The following LTBP1 variants were observed in gnomAD, a reference collection of about 807,000 sequenced individuals.
LTBP1 encodes latent-transforming growth factor beta-binding protein 1.
LTBP1 carries 129 observed loss-of-function variants against 207.6 expected under a neutral mutation model. That is an observed-to-expected ratio of 0.62 (90% CI 0.54 to 0.72). The LOEUF (loss-of-function observed/expected upper bound fraction) is 0.72. Among genes scored for constraint, LTBP1 ranks in the 30% least tolerant of loss-of-function variants. The probability of loss-of-function intolerance (pLI) is 0.00; values close to 1 mark genes in which losing one functional copy is unlikely to be tolerated. For missense variants in LTBP1, 2,281 were observed against 2,217.2 expected (o/e 1.03, Z -0.58); for synonymous variants, 963 against 833.7 (o/e 1.16, Z -2.67).
intron 5 of LTBP1, among the ~76,000 whole-genome samples, chr2:33,155,256 C>T (rs935623796): frequency 6.6e-5 from 10 of 152,000 alleles, no homozygotes; most frequent in African/African-American, 2.4e-4. Context: ...AGAAGAGATA[C>T]GGTTTCACCA....
At chr2:33,274,071 A>G (rs1418690847) in intron 16 of LTBP1, among the ~76,000 whole-genome samples, 2 of 152,244 alleles carry the variant, frequency 1.3e-5, no homozygotes, top group Non-Finnish European at 1.5e-5. Context: ...TTACAGAAAC[A>G]GCTACCTAAA....
chr2:32,960,533 A>T (rs1321978504), intron 2 of LTBP1, among the ~76,000 whole-genome samples: 1 of 152,162 alleles, frequency 6.6e-6, no homozygotes, highest in Non-Finnish European at 1.5e-5. Context: ...CAATTTTAGA[A>T]TCTTTCTGCT....
At chr2:32,969,639 A>G (rs1245326568) in intron 2 of LTBP1, among the ~76,000 whole-genome samples, 1 of 152,204 alleles carries the variant, frequency 6.6e-6, no homozygotes, top group East Asian at 1.9e-4. Context: ...ATTCCATGGT[A>G]TATACATACC....
intron 3 of LTBP1, among the ~76,000 whole-genome samples, chr2:33,067,986 A>G (rs2077604262): frequency 6.6e-6 from 1 of 152,208 alleles, no homozygotes; most frequent in African/African-American, 2.4e-5. Context: ...AGAATATAAT[A>G]AAAATTTTTA....
chr2:33,171,944 G>A (rs916431417), intron 5 of LTBP1, among the ~76,000 whole-genome samples: 1 of 152,082 alleles, frequency 6.6e-6, no homozygotes, highest in African/African-American at 2.4e-5. Context: ...ATACTTTACA[G>A]ACAAGCAAAT....
rs552056348 is a variant in LTBP1 at position 33,119,605 on chromosome 2, G to A, written c.1033+8854G>A. 2.0e-5 allele frequency among the ~76,000 whole-genome samples: 3 copies of A among 152,274 alleles called. No individual in the cohort carries two copies. The South Asian group carries it at 6.2e-4, about 32-fold the overall frequency. On this transcript the variant is annotated intron_variant, in intron 4 of 33. Coordinates refer to ENST00000404816, the MANE Select transcript of LTBP1 (RefSeq NM_206943.4). ...GGAGTCTCGCACTGTCACCCAGGCT[G>A]GAGTGGAGTGGTGCGATCTTGGCTT... is the stretch of plus-strand genomic sequence containing the variant.
chr2:33,040,735 A>G (rs1166183469), intron 3 of LTBP1, among the ~76,000 whole-genome samples: 4 of 152,118 alleles, frequency 2.6e-5, no homozygotes, highest in African/African-American at 9.7e-5. Flanking sequence ...TGATTGAACT[A>G]TTTACTGGAC....
At chr2:33,060,127 C>G (rs1331696208) in intron 3 of LTBP1, among the ~76,000 whole-genome samples, 2 of 152,134 alleles carry the variant, frequency 1.3e-5, no homozygotes, top group Admixed American at 6.5e-5. Context: ...CCATTTCACT[C>G]CCACATATTT....
chr2:32,948,689 A>G (rs967873199), intron 1 of LTBP1, among the ~76,000 whole-genome samples, 186 bp from the exon 2 acceptor site: 1 of 152,034 alleles, frequency 6.6e-6, no homozygotes, highest in Admixed American at 6.5e-5. Flanking sequence ...TCCCTGATAT[A>G]TGTATGGGCC....
chr2:33,008,125 C>T (rs1052623126), intron 2 of LTBP1, among the ~76,000 whole-genome samples: 4 of 152,058 alleles, frequency 2.6e-5, no homozygotes, highest in Non-Finnish European at 4.4e-5. Flanking sequence ...TTTATTGCCC[C>T]AGTTTTCAAA....
At position 33,134,750 on chromosome 2, in the gene LTBP1, C is replaced by A; in HGVS notation, c.1034-43C>A. 6.2e-7 allele frequency: 1 copy of A among 1,613,970 alleles called. No homozygotes were observed. The highest frequency in any genetic ancestry group is 8.5e-7 in the Non-Finnish European group (1 of 1,179,982). On this transcript the variant is annotated intron_variant, in intron 4 of 33. Coordinates refer to ENST00000404816, the MANE Select transcript of LTBP1 (RefSeq NM_206943.4). This position sits in a 1 kb window ranked among gnomAD's most constrained non-coding sequence, Gnocchi z 4.4. The stretch of plus-strand genomic sequence containing the variant: ...CCAAGGCAAGTTCATGGATACTAAG[C>A]TGATGTGTTTGTTGTTCTTTTTCTC...
chr2:33,136,179 C>T (rs2082131325), intron 5 of LTBP1, among the ~76,000 whole-genome samples: 1 of 152,146 alleles, frequency 6.6e-6, no homozygotes, highest in African/African-American at 2.4e-5. Flanking sequence ...TGTGAGTTTC[C>T]TGGCTATGAT....
At chr2:32,986,839 T>G (rs1683669943) in intron 2 of LTBP1, among the ~76,000 whole-genome samples, 1 of 152,070 alleles carries the variant, frequency 6.6e-6, no homozygotes, top group African/African-American at 2.4e-5. Context: ...GATCTCAGAG[T>G]AAGGCAAAAT....
intron 3 of LTBP1, among the ~76,000 whole-genome samples, chr2:33,041,490 G>T (rs2076184100): frequency 6.6e-6 from 1 of 152,032 alleles, no homozygotes; most frequent in Non-Finnish European, 1.5e-5. Context: ...CACCATATTG[G>T]CCAGGCTGTT....
intron 10 of LTBP1, among the ~76,000 whole-genome samples, chr2:33,251,435 C>T (rs772542997): frequency 4.6e-5 from 7 of 152,104 alleles, no homozygotes; most frequent in South Asian, 2.1e-4. Flanking sequence ...CCGAGGCGTG[C>T]GGATCACAAG....
intron 5 of LTBP1, among the ~76,000 whole-genome samples, chr2:33,155,670 A>G (rs1470267535): frequency 6.6e-6 from 1 of 151,882 alleles, no homozygotes; most frequent in Non-Finnish European, 1.5e-5. Context: ...ATTGGTCTAA[A>G]AACTTTTCTC....
intron 3 of LTBP1, among the ~76,000 whole-genome samples, chr2:33,023,442 G>C (rs1025165256): frequency 1.3e-5 from 2 of 152,128 alleles, no homozygotes; most frequent in African/African-American, 4.8e-5. Flanking sequence ...CAAAGAGGAG[G>C]CTAAGGTTTC....
intron 31 of LTBP1, among the ~76,000 whole-genome samples, chr2:33,366,073 A>G (rs1423729259): frequency 1.3e-5 from 2 of 152,336 alleles, no homozygotes; most frequent in South Asian, 2.1e-4. Flanking sequence ...AAAAGATGAG[A>G]CAGGCTAAGC....
At chr2:32,969,227 ATTTGTGTGTGTGTGTGTGTGTG>A (rs1261009329) in intron 2 of LTBP1, among the ~76,000 whole-genome samples, 9 of 92,602 alleles carry the variant, frequency 9.7e-5, no homozygotes, top group East Asian at 2.8e-4. Flanking sequence ...CACCTGGCCA[ATTTGTGTGTGTGTGTGTGTGTG>A]TGTGTGTGTG....
Sources: gnomAD v4.1 joint callset for allele counts (sites outside exome capture counted in the v4.1 genomes callset) on GRCh38, gnomAD v4.1.1 for gene constraint, Gnocchi (gnomAD v3.1) non-coding constraint, MANE v1.5 for transcripts, NCBI Gene and HGNC (gene_info 2026-07-23, HGNC 2026-07-21) for gene names.